The following GALNT13 variants were observed in gnomAD, a reference collection of about 807,000 sequenced individuals.
The protein encoded by GALNT13 is polypeptide N-acetylgalactosaminyltransferase 13.
Under a neutral mutation model 64.2 loss-of-function variants are expected in GALNT13, and 28 were observed. The ratio of observed to expected loss-of-function variants is 0.44; its 90% CI spans 0.32 to 0.60. The LOEUF (loss-of-function observed/expected upper bound fraction) is 0.60, where lower values mean the gene tolerates loss of function less well. GALNT13 is among the 20% of genes least tolerant of loss of function. The probability of loss-of-function intolerance (pLI) is 0.05; values close to 1 mark genes in which losing one functional copy is unlikely to be tolerated. For missense variants in GALNT13, 577 were observed against 669.8 expected (o/e 0.86, Z 1.53); for synonymous variants, 214 against 224.6 (o/e 0.95, Z 0.42).
At chr2:153,413,718 G>C in the GALNT13 span, among the ~76,000 whole-genome samples, 1 of 152,106 alleles carries the variant, frequency 6.6e-6, no homozygotes, top group Non-Finnish European at 1.5e-5. Flanking sequence ...TGTCTTTAAA[G>C]ACAAGTACAT....
At chr2:154,165,290 A>G (rs1684965611) in intron 4 of GALNT13, among the ~76,000 whole-genome samples, 2 of 152,124 alleles carry the variant, frequency 1.3e-5, no homozygotes. Flanking sequence ...TTCATCAATA[A>G]TTTGAAGGAA....
chr2:153,800,045 G>GATCTCTCTCT, the GALNT13 span, among the ~76,000 whole-genome samples: 2 of 118,930 alleles, frequency 1.7e-5, no homozygotes, highest in African/African-American at 6.1e-5. Context: ...CATTTAGTTT[G>GATCTCTCTCT]CTCTCTCTCT....
intron 3 of GALNT13, among the ~76,000 whole-genome samples, chr2:154,096,551 C>A (rs1014882321): frequency 6.6e-6 from 1 of 152,038 alleles, no homozygotes; most frequent in Non-Finnish European, 1.5e-5. Context: ...TCATCTCTTA[C>A]AGAATCTTCT....
chr2:153,478,113 G>T, the GALNT13 span: 11 of 704,606 alleles, frequency 1.6e-5, no homozygotes, highest in Non-Finnish European at 2.3e-5. Flanking sequence ...CCGAAAGGCC[G>T]AAGTCGAGAG....
chr2:153,321,478 T>G, the GALNT13 span, among the ~76,000 whole-genome samples: 1 of 152,216 alleles, frequency 6.6e-6, no homozygotes, highest in East Asian at 1.9e-4. Flanking sequence ...CATATTAAGT[T>G]TCTTCCAATG....
chr2:153,869,195 C>A (rs561567974), upstream of GALNT13, among the ~76,000 whole-genome samples: 232 of 152,014 alleles, frequency 1.5e-3, no homozygotes, highest in African/African-American at 5.3e-3. Context: ...TATATGATCA[C>A]AATACAATTA....
At chr2:153,203,452 G>A in the GALNT13 span, among the ~76,000 whole-genome samples, 1 of 152,128 alleles carries the variant, frequency 6.6e-6, no homozygotes. Context: ...TAGGATGAGG[G>A]CATTCCATGG....
chr2:153,578,937 G>T, the GALNT13 span, among the ~76,000 whole-genome samples: 1 of 152,106 alleles, frequency 6.6e-6, no homozygotes, highest in Non-Finnish European at 1.5e-5. Context: ...TGTAATCATG[G>T]CCATCAGACA....
chr2:153,404,242 C>T, the GALNT13 span, among the ~76,000 whole-genome samples: 2 of 152,152 alleles, frequency 1.3e-5, no homozygotes, highest in Non-Finnish European at 2.9e-5. Flanking sequence ...AAGACACGTA[C>T]AGCCCCAGTT....
intron 3 of GALNT13, among the ~76,000 whole-genome samples, chr2:153,994,501 C>A (rs1346762260): frequency 6.6e-6 from 1 of 152,186 alleles, no homozygotes; most frequent in African/African-American, 2.4e-5. Context: ...CACTGTCTTC[C>A]ACAATGGTTG....
At chr2:153,918,755 G>A (rs1574113131) in intron 2 of GALNT13, among the ~76,000 whole-genome samples, 1 of 151,968 alleles carries the variant, frequency 6.6e-6, no homozygotes, top group South Asian at 2.1e-4. Flanking sequence ...CTTCCTCTTG[G>A]CATTAAACAT....
intron 8 of GALNT13, among the ~76,000 whole-genome samples, chr2:154,292,393 A>C (rs575855409): frequency 6.6e-6 from 1 of 152,268 alleles, no homozygotes; most frequent in African/African-American, 2.4e-5. Context: ...TCTGTTCTAG[A>C]TTGTTGCAAT....
At chr2:153,720,051 A>C in the GALNT13 span, among the ~76,000 whole-genome samples, 3 of 149,156 alleles carry the variant, frequency 2.0e-5, no homozygotes, top group African/African-American at 7.4e-5. Flanking sequence ...CTGCAGACTT[A>C]AATGTCCCTG....
chr2:154,230,131 A>AT (rs1688840311), intron 4 of GALNT13, among the ~76,000 whole-genome samples: 1 of 152,098 alleles, frequency 6.6e-6, no homozygotes, highest in Admixed American at 6.6e-5. Context: ...GAGGTAAAAA[A>AT]CATGAGCCCC....
chr2:154,227,319 ATTTTTCTT>A (rs1207643059), intron 4 of GALNT13, among the ~76,000 whole-genome samples: 1 of 151,452 alleles, frequency 6.6e-6, no homozygotes, highest in Non-Finnish European at 1.5e-5. Flanking sequence ...CCTGGGGCAC[ATTTTTCTT>A]TTTTTCTTTT....
At chr2:153,895,640 T>C (rs1687839240) in intron 1 of GALNT13, among the ~76,000 whole-genome samples, 1 of 152,080 alleles carries the variant, frequency 6.6e-6, no homozygotes, top group South Asian at 2.1e-4. Flanking sequence ...GCTGCAGTAA[T>C]TGTAAAATAT....
the GALNT13 span, among the ~76,000 whole-genome samples, chr2:153,513,676 A>T: frequency 2.0e-5 from 3 of 152,140 alleles, no homozygotes; most frequent in Non-Finnish European, 4.4e-5. Context: ...GGCTTTTCCC[A>T]CCACTCAAGC....
the GALNT13 span, among the ~76,000 whole-genome samples, chr2:153,696,287 C>G: frequency 6.6e-6 from 1 of 152,118 alleles, no homozygotes; most frequent in African/African-American, 2.4e-5. Flanking sequence ...AAGATGAAGG[C>G]CAGAAGACTT....
At chr2:154,270,014 G>T (rs896131973) in intron 8 of GALNT13, among the ~76,000 whole-genome samples, 28 of 148,036 alleles carry the variant, frequency 1.9e-4, no homozygotes, top group African/African-American at 6.7e-4. Context: ...AAATGTGTTA[G>T]AATTTTATTT....
Sources: allele counts gnomAD v4.1 joint callset (sites outside exome capture counted in the v4.1 genomes callset), GRCh38; gene constraint gnomAD v4.1.1; transcripts MANE v1.5; gene names NCBI Gene and HGNC (gene_info 2026-07-23, HGNC 2026-07-21).